The following KL variants were observed in gnomAD, a reference collection of about 807,000 sequenced individuals.
KL encodes alpha-klotho.
KL carries 62 observed loss-of-function variants against 84.2 expected under a neutral mutation model. The ratio of observed to expected loss-of-function variants is 0.74; its 90% CI spans 0.60 to 0.91. KL has a LOEUF of 0.91. Ranked by LOEUF, KL falls within the 40% of genes least tolerant of loss-of-function variation. KL has a pLI of 0.00. For missense variants in KL, 1,261 were observed against 1,305.7 expected (o/e 0.97, Z 0.53); for synonymous variants, 528 against 528.0 (o/e 1.00, Z 0.00).
chr13:33,035,326 G>A (rs190141855), intron 1 of KL, among the ~76,000 whole-genome samples: 3 of 152,328 alleles, frequency 2.0e-5, no homozygotes, highest in African/African-American at 7.2e-5. Context: ...GTTGGCATCT[G>A]CTGTTGATAA....
At chr13:33,023,172 G>T (rs1870636875) in intron 1 of KL, among the ~76,000 whole-genome samples, 1 of 152,188 alleles carries the variant, frequency 6.6e-6, no homozygotes, top group Non-Finnish European at 1.5e-5. Flanking sequence ...CCCCTGAGGA[G>T]CCGGGTGCTC....
At chr13:33,047,344 A>G (rs868257691) in intron 1 of KL, among the ~76,000 whole-genome samples, 1 of 136,206 alleles carries the variant, frequency 7.3e-6, no homozygotes, top group Non-Finnish European at 1.5e-5. Flanking sequence ...TTACTTTTCT[A>G]AAATCTACTT....
chr13:33,062,181 C>G (rs748343060), intron 4 of KL, among the ~76,000 whole-genome samples: 69 of 152,048 alleles, frequency 4.5e-4, no homozygotes, highest in Admixed American at 2.0e-4. Context: ...AAGTTTGAGA[C>G]CAGCCTGGGC....
intron 1 of KL, among the ~76,000 whole-genome samples, chr13:33,022,755 T>C (rs1362359395): frequency 1.3e-5 from 2 of 152,194 alleles, no homozygotes; most frequent in East Asian, 1.9e-4. Flanking sequence ...CTACCTATCA[T>C]ATTTATTTCA....
chr13:33,052,900 C>T (rs1043586418), intron 1 of KL, among the ~76,000 whole-genome samples: 1 of 152,118 alleles, frequency 6.6e-6, no homozygotes, highest in Non-Finnish European at 1.5e-5. Context: ...GAGAAACTCA[C>T]TTCAAGTAGG....
At chr13:33,031,160 C>T (rs1467486682) in intron 1 of KL, among the ~76,000 whole-genome samples, 1 of 152,186 alleles carries the variant, frequency 6.6e-6, no homozygotes, top group African/African-American at 2.4e-5. Flanking sequence ...GAAAGTTCAC[C>T]TTCAGTGTCA....
rs372004513 is a variant in KL, at chr13:33,061,126, C to A, written c.2047C>A (p.Leu683Ile). 19 of 1,614,052 alleles carry A rather than the reference C, an allele frequency of 1.2e-5. No homozygotes were observed. The highest frequency in any genetic ancestry group is 1.6e-4 in the Middle Eastern group (1 of 6,084). Residue 683 changes from leucine to isoleucine, a missense_variant, in exon 4 of 5, where the codon CTT (leucine) becomes ATT (isoleucine). Coordinates refer to ENST00000380099, the MANE Select transcript of KL (RefSeq NM_004795.4). ...CFQELGHHVK[L>I]WITMNEPYTR... is the part of the protein sequence containing the mutation. ...TCAAGAGCTCGGCCATCACGTCAAGCTTTGGATAACGATGAATGAGCCGTA... is the reference window on the plus strand; with the variant it reads ...TCAAGAGCTCGGCCATCACGTCAAGATTTGGATAACGATGAATGAGCCGTA...
chr13:33,065,815 C>T lies in KL; in HGVS notation c.*1629C>T, dbSNP rs1317000211. 1 of 173,720 alleles carries T rather than the reference C, an allele frequency of 5.8e-6. No homozygotes were observed. The highest frequency in any genetic ancestry group is 1.2e-5 in the Non-Finnish European group (1 of 80,696). The allele number at this position is 173,720 out of a possible 1,614,324, so 10.8% of individuals were successfully genotyped here. Reference sequence around the variant, plus strand: ...CAGAAATAGCCACTATTAACATTTCCTACGTATTTTATTTTACATAGATCA... The same window carrying T: ...CAGAAATAGCCACTATTAACATTTCTTACGTATTTTATTTTACATAGATCA... On this transcript the variant is annotated 3_prime_UTR_variant, in exon 5 of 5. Coordinates refer to ENST00000380099, the MANE Select transcript of KL (RefSeq NM_004795.4).
intron 1 of KL, among the ~76,000 whole-genome samples, chr13:33,029,707 C>T (rs1870904452): frequency 6.6e-6 from 1 of 152,148 alleles, no homozygotes; most frequent in Non-Finnish European, 1.5e-5. Context: ...AATCTCGGCT[C>T]ACTCCAAGCT....
Position 33,061,169 on chromosome 13 carries a change from A to G in KL, c.2090A>G (p.Tyr697Cys). Reference protein sequence around the residue: ...MNEPYTRNMTYSAGHNLLKAH... With the variant: ...MNEPYTRNMTCSAGHNLLKAH... ...GAGCCGTATACAAGGAATATGACAT[A>G]CAGTGCTGGCCACAACCTTCTGAAG... The change falls in exon 4 of 5, where the codon TAC becomes TGC. Residue 697 changes from tyrosine to cysteine, a missense_variant. By Grantham distance (194) the Tyr-to-Cys change is radical. Transcript: ENST00000380099. 1.9e-6 allele frequency: 3 copies of G among 1,614,274 alleles called. No homozygotes were observed. Among genetic ancestry groups the G allele is most frequent in the Non-Finnish European group, 1.7e-6 (2 of 1,180,054 alleles).
At chr13:33,049,348 C>T (rs950556531) in intron 1 of KL, among the ~76,000 whole-genome samples, 5 of 152,174 alleles carry the variant, frequency 3.3e-5, no homozygotes, top group African/African-American at 1.2e-4. Flanking sequence ...TGAATACTGG[C>T]TCTGTTGCAG....
chr13:33,018,917 G>C (rs538482131), intron 1 of KL, among the ~76,000 whole-genome samples: 1 of 152,290 alleles, frequency 6.6e-6, no homozygotes, highest in Non-Finnish European at 1.5e-5. Context: ...AGACTTGCGT[G>C]CTCTCTGGTG....
chr13:33,029,390 T>C (rs17643448), intron 1 of KL, among the ~76,000 whole-genome samples: 6,348 of 152,318 alleles, frequency 0.042, 338 homozygotes, highest in African/African-American at 0.1. Context: ...ATTTGATACT[T>C]AATAAGCAAC....
At chr13:33,033,635 C>T (rs1221168338) in intron 1 of KL, among the ~76,000 whole-genome samples, 2 of 152,188 alleles carry the variant, frequency 1.3e-5, no homozygotes, top group East Asian at 3.9e-4. Context: ...TCACAAGCTC[C>T]TTCTCAAAGG....
Position 33,064,099 on chromosome 13 carries a change from T to C in KL, c.2952T>C (p.Ala984=). 1 of 1,613,956 alleles carries C rather than the reference T, an allele frequency of 6.2e-7. No individual in the cohort carries two copies. The highest frequency in any genetic ancestry group is 8.5e-7 in the Non-Finnish European group (1 of 1,179,926). Residue 984 remains alanine (A), a synonymous_variant, in exon 5 of 5, where the codon GCT becomes GCC. Transcript: ENST00000380099. ...SFFHTRKSLL[A]FIAFLFFASI... ...TTCACACCCGAAAGTCTTTACTGGC[T>C]TTCATAGCTTTTCTATTTTTTGCTT...
At chr13:33,054,806 A>T (rs1593807756) in intron 2 of KL, among the ~76,000 whole-genome samples, 1 of 152,162 alleles carries the variant, frequency 6.6e-6, no homozygotes, top group Non-Finnish European at 1.5e-5. Context: ...ATAAGGAACT[A>T]TTTTTTCAAG....
At chr13:33,027,268 T>G (rs1447265037) in intron 1 of KL, among the ~76,000 whole-genome samples, 1 of 152,136 alleles carries the variant, frequency 6.6e-6, no homozygotes, top group Non-Finnish European at 1.5e-5. Context: ...TAGTGCCGGG[T>G]CAGCTCCTGA....
Position 33,061,540 on chromosome 13 carries a change from C to T in KL, c.2461C>T (p.Pro821Ser), listed in dbSNP as rs764524700. 1.2e-6 allele frequency: 2 copies of T among 1,614,144 alleles called. No homozygotes were observed. The highest frequency in any genetic ancestry group is 1.7e-6 in the Non-Finnish European group (2 of 1,180,030). The change falls in exon 4 of 5, where the codon CCA (proline) becomes TCA (serine). Residue 821 changes from proline (P) to serine (S), a missense_variant. By Grantham distance (74) the Pro-to-Ser change is moderately conservative. Coordinates refer to ENST00000380099, the MANE Select transcript of KL (RefSeq NM_004795.4). ...TILVDSEKEDPIKYNDYLEVQ... is the reference protein window; with the variant it reads ...TILVDSEKEDSIKYNDYLEVQ... ...CCTTGTAGACTCAGAAAAAGAAGAT[C>T]CAATAAAATACAATGATTACCTAGA...
In KL at chr13:33,064,847, TG is replaced by T. The variant is rs1872348551; in HGVS notation, c.*662del. On this transcript the variant is annotated 3_prime_UTR_variant, in exon 5 of 5. Transcript: ENST00000380099. Reference sequence around the variant, plus strand: ...GATTTTTGAGGTCCTGTCTAAACCCTGTGTCCCTGAGGGATCTGTCTCACTG... The same window carrying T: ...GATTTTTGAGGTCCTGTCTAAACCCTTGTCCCTGAGGGATCTGTCTCACTG... 1 of 228,134 alleles carries T rather than the reference TG, an allele frequency of 4.4e-6. No homozygotes were observed. The highest frequency in any genetic ancestry group is 8.7e-6 in the Non-Finnish European group (1 of 114,836). 14.1% of individuals were successfully genotyped at this position (228,134 alleles called of 1,614,324 possible).
Sources: allele counts gnomAD v4.1 joint callset (sites outside exome capture counted in the v4.1 genomes callset), GRCh38; gene constraint gnomAD v4.1.1; transcripts MANE v1.5; gene names NCBI Gene and HGNC (gene_info 2026-07-23, HGNC 2026-07-21).